The following BMPER variants were observed in gnomAD, a reference collection of about 807,000 sequenced individuals.
The protein encoded by BMPER is BMP binding endothelial regulator.
A neutral mutation model predicts 87.3 loss-of-function variants in BMPER; 45 were observed. The ratio of observed to expected loss-of-function variants is 0.52; its 90% confidence interval spans 0.41 to 0.66. BMPER has a LOEUF of 0.66. Ranked by LOEUF, BMPER falls within the 30% of genes least tolerant of loss-of-function variation. BMPER has a pLI of 0.00. For missense variants in BMPER, 784 were observed against 867.5 expected (o/e 0.90, Z 1.21); for synonymous variants, 326 against 316.2 (o/e 1.03, Z -0.33).
At chr7:33,957,336 T>G (rs12155213) in intron 3 of BMPER, among the ~76,000 whole-genome samples, 54,974 of 148,778 alleles carry the variant, frequency 0.37, 11,015 homozygotes, top group African/African-American at 0.54. Context: ...ATTATTCAGG[T>G]AGAAAAGAGT....
chr7:34,043,719 C>T (rs1156986571), intron 6 of BMPER, among the ~76,000 whole-genome samples: 3 of 152,054 alleles, frequency 2.0e-5, no homozygotes, highest in East Asian at 3.9e-4. Context: ...AGGCCTTAAA[C>T]AAATGTTTAA....
chr7:34,076,274 CT>C (rs926835831), intron 11 of BMPER, among the ~76,000 whole-genome samples: 1 of 152,118 alleles, frequency 6.6e-6, no homozygotes, highest in African/African-American at 2.4e-5. Context: ...TTGGCCTTAT[CT>C]ACAAGTGCCC....
At chr7:34,108,514 A>G (rs532853637) in intron 13 of BMPER, among the ~76,000 whole-genome samples, 1 of 152,332 alleles carries the variant, frequency 6.6e-6, no homozygotes, top group East Asian at 1.9e-4. Flanking sequence ...AAGCATTATG[A>G]CATACTGAGT....
chr7:33,907,457 G>A (rs767703896), intron 2 of BMPER, among the ~76,000 whole-genome samples: 42 of 152,284 alleles, frequency 2.8e-4, no homozygotes, highest in Non-Finnish European at 5.7e-4. Flanking sequence ...TTGGAAGCAT[G>A]AGTCGGAAAG....
intron 5 of BMPER, among the ~76,000 whole-genome samples, chr7:33,972,149 C>T (rs1785565386): frequency 1.3e-5 from 2 of 152,134 alleles, no homozygotes; most frequent in Admixed American, 6.5e-5. Flanking sequence ...GTGGTCCACC[C>T]TCCTTGGCCT....
chr7:33,947,979 T>TTG (rs1460162144), intron 3 of BMPER, among the ~76,000 whole-genome samples: 1 of 152,142 alleles, frequency 6.6e-6, no homozygotes, highest in Non-Finnish European at 1.5e-5. Context: ...ACAGAGTGAA[T>TTG]TGTTTTATTG....
chr7:34,079,230 C>T (rs1307531253), intron 12 of BMPER, 44 bp downstream of exon 12: 1 of 1,608,924 alleles, frequency 6.2e-7, no homozygotes, highest in Middle Eastern at 1.7e-4. Context: ...CTCCGCCTCA[C>T]TTACCCGTTC....
intron 6 of BMPER, among the ~76,000 whole-genome samples, chr7:34,011,729 A>T (rs1786887401): frequency 6.6e-6 from 1 of 151,898 alleles, no homozygotes; most frequent in Non-Finnish European, 1.5e-5. Context: ...CTTAGAAAAG[A>T]CCATTACTTT....
At chr7:34,093,602 C>A (rs1789451783) in intron 13 of BMPER, among the ~76,000 whole-genome samples, 1 of 152,292 alleles carries the variant, frequency 6.6e-6, no homozygotes, top group South Asian at 2.1e-4. Context: ...AAGGTTAATT[C>A]TTTACTGCAT....
At chr7:34,057,028 G>C (rs1468752565) in intron 9 of BMPER, among the ~76,000 whole-genome samples, 2 of 152,210 alleles carry the variant, frequency 1.3e-5, no homozygotes, top group Admixed American at 1.3e-4. Context: ...ACTTGGAACA[G>C]TCAGGTGTCC....
chr7:34,103,046 A>G (rs909099895), intron 13 of BMPER, among the ~76,000 whole-genome samples: 1 of 152,148 alleles, frequency 6.6e-6, no homozygotes, highest in Non-Finnish European at 1.5e-5. Flanking sequence ...AGTTTGAAAA[A>G]TACAAAGGGC....
chr7:33,951,910 G>A (rs1785035636), intron 3 of BMPER, among the ~76,000 whole-genome samples: 1 of 152,166 alleles, frequency 6.6e-6, no homozygotes, highest in African/African-American at 2.4e-5. Flanking sequence ...GATGAAAAAT[G>A]ACTGAATGTC....
chr7:33,907,075 T>C (rs1290009406), intron 2 of BMPER, among the ~76,000 whole-genome samples, 172 bp downstream of exon 2: 1 of 152,190 alleles, frequency 6.6e-6, no homozygotes, highest in Non-Finnish European at 1.5e-5. Context: ...TTTATGGACT[T>C]TGGCAATTTC....
chr7:34,132,664 C>T (rs909412709), intron 13 of BMPER, among the ~76,000 whole-genome samples: 1 of 152,170 alleles, frequency 6.6e-6, no homozygotes, highest in Non-Finnish European at 1.5e-5. Context: ...AAAGATCCCT[C>T]TCTCATTTCT....
intron 13 of BMPER, among the ~76,000 whole-genome samples, chr7:34,103,432 G>C (rs887156701): frequency 3.3e-5 from 5 of 152,156 alleles, no homozygotes; most frequent in Non-Finnish European, 7.3e-5. Flanking sequence ...TCTACAGGGG[G>C]AGCGATACAT....
At chr7:33,989,114 C>A (rs1449707807) in intron 6 of BMPER, among the ~76,000 whole-genome samples, 1 of 133,196 alleles carries the variant, frequency 7.5e-6, no homozygotes, top group Non-Finnish European at 1.6e-5. Context: ...GATTTATAGT[C>A]CTTTGGGTAT....
chr7:33,908,105 G>T (rs1369215541), intron 2 of BMPER, among the ~76,000 whole-genome samples: 1 of 152,322 alleles, frequency 6.6e-6, no homozygotes, highest in East Asian at 1.9e-4. Context: ...ATGGGTTGCT[G>T]TGTTCATTGA....
chr7:33,923,540 C>G (rs1465664514), intron 2 of BMPER, among the ~76,000 whole-genome samples: 1 of 152,164 alleles, frequency 6.6e-6, no homozygotes, highest in South Asian at 2.1e-4. Flanking sequence ...GAGTGGCCAG[C>G]AGTAGTCTAG....
chr7:33,919,023 G>T (rs1784150492), intron 2 of BMPER, among the ~76,000 whole-genome samples: 1 of 152,156 alleles, frequency 6.6e-6, no homozygotes, highest in Admixed American at 6.5e-5. Context: ...TGTACCAGAT[G>T]GTGTTGCTTC....
Sources: gnomAD v4.1 joint callset for allele counts (sites outside exome capture counted in the v4.1 genomes callset) on GRCh38, gnomAD v4.1.1 for gene constraint, MANE v1.5 for transcripts, NCBI Gene and HGNC (gene_info 2026-07-23, HGNC 2026-07-21) for gene names.